KCNMA1: variants seen among roughly 807,000 people sequenced by gnomAD.
The protein encoded by KCNMA1 is potassium calcium-activated channel subfamily M alpha 1.
Under a neutral mutation model 140.0 loss-of-function variants are expected in KCNMA1, and 29 were observed. That is an observed-to-expected ratio of 0.21 (90% CI 0.15 to 0.28). The LOEUF (loss-of-function observed/expected upper bound fraction) is 0.28. Among genes scored for constraint, KCNMA1 ranks in the 10% least tolerant of loss-of-function variants. The pLI, the probability that KCNMA1 is intolerant of heterozygous loss-of-function variation, is 1.00. For synonymous variants in KCNMA1, 612 were observed against 611.9 expected (o/e 1.00, Z 0.00); for missense variants, 880 against 1,602.2 (o/e 0.55, Z 7.70).
Position 77,254,224 on chromosome 10 carries a change from C to CTTT in KCNMA1, c.541-2971_541-2969dup, listed in dbSNP as rs11402076. Among the ~76,000 whole-genome samples the CTTT allele has an allele frequency of 3.0e-3, 421 of 140,444 alleles. 2 individuals are homozygous for CTTT. Among genetic ancestry groups the CTTT allele is most frequent in the Non-Finnish European group, 5.1e-3 (332 of 65,120 alleles). The allele number at this position is 140,444 out of a possible 152,430, so 92.1% of individuals were successfully genotyped here. Reference sequence around the variant, plus strand: ...GCCACTTGGAGTCATGAAATATACTCTTTTTTTTTTTTTTTTAGACAGATC... The same window carrying CTTT: ...GCCACTTGGAGTCATGAAATATACTCTTTTTTTTTTTTTTTTTTTAGACAGATC... On this transcript the variant is annotated intron_variant, in intron 2 of 27. Transcript: ENST00000286628.
At chr10:77,159,422 G>A (rs1198977292) in intron 5 of KCNMA1, among the ~76,000 whole-genome samples, 1 of 152,032 alleles carries the variant, frequency 6.6e-6, no homozygotes, top group Non-Finnish European at 1.5e-5. Context: ...GGCTTATGTA[G>A]GGCTTTGAGT....
intron 3 of KCNMA1, among the ~76,000 whole-genome samples, chr10:77,223,192 G>T (rs183422231): frequency 1.3e-5 from 2 of 151,504 alleles, no homozygotes; most frequent in Non-Finnish European, 2.9e-5. Context: ...TCATGCCATT[G>T]CACTCCAGCT....
At chr10:77,400,902 T>C (rs1231694434) in intron 2 of KCNMA1, among the ~76,000 whole-genome samples, 5 of 151,224 alleles carry the variant, frequency 3.3e-5, no homozygotes, top group Non-Finnish European at 5.9e-5. Flanking sequence ...GCCCAATGAG[T>C]TCCATTTCCA....
chr10:77,428,677 A>G (rs958754981), intron 1 of KCNMA1, among the ~76,000 whole-genome samples: 1 of 152,088 alleles, frequency 6.6e-6, no homozygotes, highest in African/African-American at 2.4e-5. Flanking sequence ...TGGAATTTCC[A>G]TTACCTATTG....
At chr10:77,503,199 T>A (rs1436080801) in intron 1 of KCNMA1, among the ~76,000 whole-genome samples, 1 of 152,218 alleles carries the variant, frequency 6.6e-6, no homozygotes, top group African/African-American at 2.4e-5. Context: ...CCCACCCCTC[T>A]AGGCCAGGGA....
intron 5 of KCNMA1, among the ~76,000 whole-genome samples, chr10:77,179,314 G>A (rs368262225): frequency 3.9e-5 from 6 of 152,078 alleles, no homozygotes; most frequent in Middle Eastern, 3.2e-3. Context: ...GCCAATATCC[G>A]GGGTGTTCTT....
intron 9 of KCNMA1, among the ~76,000 whole-genome samples, chr10:77,098,565 C>T (rs2097000146): frequency 1.3e-5 from 2 of 148,232 alleles, no homozygotes; most frequent in Non-Finnish European, 3.0e-5. Context: ...CTCTAAGGTA[C>T]CCTAACCTTT....
intron 23 of KCNMA1, among the ~76,000 whole-genome samples, chr10:76,925,861 G>T (rs1284050415): frequency 6.6e-6 from 1 of 152,082 alleles, no homozygotes; most frequent in Non-Finnish European, 1.5e-5. Flanking sequence ...GTAAAAGATG[G>T]GTTTGCCAAG....
intron 1 of KCNMA1, among the ~76,000 whole-genome samples, chr10:77,414,198 C>G (rs1308689085): frequency 6.6e-6 from 1 of 152,186 alleles, no homozygotes; most frequent in African/African-American, 2.4e-5. Context: ...GACCCGGAGG[C>G]CTGGATTGTT....
At chr10:76,951,290 G>A (rs1044897248) in intron 21 of KCNMA1, among the ~76,000 whole-genome samples, 4 of 152,046 alleles carry the variant, frequency 2.6e-5, no homozygotes, top group Non-Finnish European at 5.9e-5. Context: ...CCTCAGCCCC[G>A]GTGTGTCTGA....
chr10:77,161,577 C>T (rs1214098085), intron 5 of KCNMA1, among the ~76,000 whole-genome samples: 1 of 152,110 alleles, frequency 6.6e-6, no homozygotes, highest in African/African-American at 2.4e-5. Flanking sequence ...ATTGCACCAG[C>T]CAGATATTTC....
intron 5 of KCNMA1, among the ~76,000 whole-genome samples, chr10:77,171,990 C>T (rs917861126): frequency 2.6e-5 from 4 of 152,176 alleles, no homozygotes; most frequent in Admixed American, 1.3e-4. Context: ...CTATGTTTTC[C>T]CCATCTTTGG....
chr10:76,952,067 T>A, intron 21 of KCNMA1: 2 of 1,552,276 alleles, frequency 1.3e-6, no homozygotes, highest in East Asian at 4.9e-5. Flanking sequence ...TGGCAGGAGA[T>A]GTTGATTGAA....
At chr10:77,401,940 A>G (rs1027667937) in intron 2 of KCNMA1, among the ~76,000 whole-genome samples, 2 of 152,184 alleles carry the variant, frequency 1.3e-5, no homozygotes, top group African/African-American at 4.8e-5. Flanking sequence ...CAATAGAATC[A>G]GGATCCTTCC....
intron 5 of KCNMA1, among the ~76,000 whole-genome samples, chr10:77,183,071 C>T (rs1406072215): frequency 2.0e-5 from 3 of 152,180 alleles, no homozygotes; most frequent in Non-Finnish European, 4.4e-5. Flanking sequence ...GCCAGCCACT[C>T]GGAAAGTTGG....
At chr10:77,099,476 G>A (rs1315066053) in intron 9 of KCNMA1, among the ~76,000 whole-genome samples, 1 of 152,174 alleles carries the variant, frequency 6.6e-6, no homozygotes, top group African/African-American at 2.4e-5. Context: ...GGAGCTACAG[G>A]TTAGAAGGCT....
rs572164889 is a variant in KCNMA1, at chr10:77,219,587, A to C, written c.602+31608T>G. On this transcript the variant is annotated intron_variant, in intron 3 of 27. Transcript: ENST00000286628. Reference sequence around the variant, plus strand: ...TCCACCCACCATATGATTTCTCAGAAACCTCAAATGTCCTTTGTTGTTGTT... The same window carrying C: ...TCCACCCACCATATGATTTCTCAGACACCTCAAATGTCCTTTGTTGTTGTT... 2.0e-5 allele frequency among the ~76,000 whole-genome samples: 3 copies of C among 152,260 alleles called. No individual in the cohort carries two copies. The South Asian group carries it at 6.2e-4, about 32-fold the overall frequency.
intron 2 of KCNMA1, among the ~76,000 whole-genome samples, chr10:77,397,440 A>C (rs2096096807): frequency 6.6e-6 from 1 of 152,208 alleles, no homozygotes; most frequent in African/African-American, 2.4e-5. Context: ...AGATCAGGGT[A>C]ACAGAAAACC....
chr10:76,885,249 A>AGT lies in KCNMA1; in HGVS notation c.*2016_*2017insAC. On this transcript the variant is annotated 3_prime_UTR_variant, in exon 28 of 28. Coordinates refer to ENST00000286628, the MANE Select transcript of KCNMA1 (RefSeq NM_001161352.2). ...TATATAATTATATAGTTATATATATATAATTATATATAGTTTATATAAAGA... is the reference window on the plus strand; with the variant it reads ...TATATAATTATATAGTTATATATATAGTTAATTATATATAGTTTATATAAAGA... 2 of 502,504 alleles carry AGT rather than the reference A, an allele frequency of 4.0e-6. No individual in the cohort carries two copies. The highest frequency in any genetic ancestry group is 8.7e-5 in the South Asian group (1 of 11,468). The allele number at this position is 502,504 out of a possible 1,614,324, so 31.1% of individuals were successfully genotyped here.
Sources: gnomAD v4.1 joint callset for allele counts (sites outside exome capture counted in the v4.1 genomes callset) on GRCh38, gnomAD v4.1.1 for gene constraint, MANE v1.5 for transcripts, NCBI Gene and HGNC (gene_info 2026-07-23, HGNC 2026-07-21) for gene names.